RPS6KC1: variants seen among roughly 807,000 people sequenced by gnomAD.
RPS6KC1 encodes the protein ribosomal protein S6 kinase C1.
RPS6KC1 carries 54 observed loss-of-function variants against 103.8 expected under a neutral mutation model. The ratio of observed to expected loss-of-function variants is 0.52; its 90% CI spans 0.42 to 0.65. The LOEUF is 0.65. RPS6KC1 is among the 30% of genes least tolerant of loss of function. The probability of loss-of-function intolerance (pLI) is 0.00; values close to 1 mark genes in which losing one functional copy is unlikely to be tolerated. For missense variants in RPS6KC1, 1,151 were observed against 1,253.8 expected, an observed-to-expected ratio of 0.92 and a Z score of 1.24; for synonymous variants, 439 against 438.7, an observed-to-expected ratio of 1.00 and a Z score of -0.01.
At chr1:213,243,074 C>A (rs2148956663) in intron 12 of RPS6KC1, among the ~76,000 whole-genome samples, 1 of 152,196 alleles carries the variant, frequency 6.6e-6, no homozygotes, top group Middle Eastern at 3.4e-3. Context: ...TGTCTCACTG[C>A]AGCCTCCCAA....
chr1:213,429,907 T>G, the RPS6KC1 span, among the ~76,000 whole-genome samples: 2 of 152,242 alleles, frequency 1.3e-5, no homozygotes, highest in African/African-American at 4.8e-5. Context: ...CTTAATTTCT[T>G]TATTGCTTTT....
At chr1:213,204,620 C>CT (rs35617516) in intron 8 of RPS6KC1, among the ~76,000 whole-genome samples, 6,279 of 127,628 alleles carry the variant, frequency 0.049, 254 homozygotes, top group Admixed American at 0.073. Context: ...TTAATTGTCA[C>CT]TTTTTTTTTT....
chr1:213,087,475 A>T (rs1344640491), intron 3 of RPS6KC1, among the ~76,000 whole-genome samples: 2 of 152,114 alleles, frequency 1.3e-5, no homozygotes, highest in Admixed American at 1.3e-4. Context: ...CTTAGCTTCA[A>T]ATCTCTTTCT....
chr1:213,657,505 G>GT, the RPS6KC1 span, among the ~76,000 whole-genome samples: 1 of 152,136 alleles, frequency 6.6e-6, no homozygotes, highest in Non-Finnish European at 1.5e-5. Context: ...GGGGACAAAT[G>GT]TTAGAAGCAG....
the RPS6KC1 span, among the ~76,000 whole-genome samples, chr1:213,715,713 T>C: frequency 2.0e-5 from 3 of 152,204 alleles, no homozygotes; most frequent in South Asian, 6.2e-4. Context: ...AGTAATGCAA[T>C]TGGATCAGAT....
the RPS6KC1 span, among the ~76,000 whole-genome samples, chr1:213,790,857 ATCT>A: frequency 6.6e-6 from 1 of 152,196 alleles, no homozygotes; most frequent in Admixed American, 6.5e-5. Flanking sequence ...CCTGAGGAGT[ATCT>A]TCTATTTGGA....
intron 1 of RPS6KC1, among the ~76,000 whole-genome samples, chr1:213,056,592 A>C (rs762931799): frequency 3.9e-5 from 6 of 152,220 alleles, no homozygotes; most frequent in Admixed American, 2.0e-4. Flanking sequence ...TTAAGTCTGA[A>C]AAATTACCAT....
the RPS6KC1 span, among the ~76,000 whole-genome samples, chr1:213,502,113 T>C: frequency 2.0e-5 from 3 of 152,202 alleles, no homozygotes; most frequent in Non-Finnish European, 4.4e-5. Context: ...CTATCCCTTA[T>C]TTTAAAAAAT....
the RPS6KC1 span, among the ~76,000 whole-genome samples, chr1:213,557,938 T>A: frequency 1.3e-5 from 2 of 152,218 alleles, no homozygotes; most frequent in Admixed American, 1.3e-4. Context: ...TTTTGTGATA[T>A]GCTGCTCATG....
chr1:213,250,481 A>G (rs1432469544), intron 12 of RPS6KC1, among the ~76,000 whole-genome samples: 1 of 152,230 alleles, frequency 6.6e-6, no homozygotes, highest in Non-Finnish European at 1.5e-5. Context: ...ATAGTATAAA[A>G]TAAGAAAAAA....
At chr1:213,771,368 A>G in the RPS6KC1 span, among the ~76,000 whole-genome samples, 1 of 152,230 alleles carries the variant, frequency 6.6e-6, no homozygotes, top group Admixed American at 6.5e-5. Flanking sequence ...GAAACGGATG[A>G]CAGAACCGCT....
the RPS6KC1 span, chr1:213,820,451 C>T: frequency 6.6e-6 from 1 of 152,228 alleles, no homozygotes; most frequent in Admixed American, 6.5e-5. Flanking sequence ...TATACACACA[C>T]TTTGAATTTG....
rs369704036 is a variant in RPS6KC1, at chr1:213,129,713, G to A, written c.659G>A (p.Arg220Gln). 1.4e-5 allele frequency: 23 copies of A among 1,614,044 alleles called. No individual in the cohort carries two copies. The East Asian group carries it at 3.8e-4, about 27-fold the overall frequency. Residue 220 changes from arginine to glutamine, a missense_variant, in exon 6 of 15, where the codon CGG (arginine) becomes CAG (glutamine). Arg to Gln is a conservative substitution (Grantham distance 43). This residue lies in a region of RPS6KC1 where 959 missense variants were observed against 1,006.3 expected (regional missense o/e 0.95). Coordinates refer to ENST00000366960, the MANE Select transcript of RPS6KC1 (RefSeq NM_012424.6). ...DSEQSKTEEE[R>Q]ESRSLFPGSL... ...GAACAGAGCAAAACAGAAGAAGAAC[G>A]GGAAAGTCGTAGCCTCTTTCCTGGC...
chr1:213,684,112 C>G, the RPS6KC1 span, among the ~76,000 whole-genome samples: 2 of 152,274 alleles, frequency 1.3e-5, 1 homozygote. Context: ...CCTGTACACA[C>G]CCTACTTATT....
At chr1:213,114,194 A>G (rs2083328429) in intron 4 of RPS6KC1, among the ~76,000 whole-genome samples, 1 of 152,134 alleles carries the variant, frequency 6.6e-6, no homozygotes, top group Non-Finnish European at 1.5e-5. Flanking sequence ...ACCCATGAGC[A>G]TGGAATATTC....
the RPS6KC1 span, among the ~76,000 whole-genome samples, chr1:213,701,431 A>G: frequency 6.6e-6 from 1 of 151,982 alleles, no homozygotes; most frequent in Admixed American, 6.5e-5. Flanking sequence ...GGATCTTTCT[A>G]ATGTATTGTT....
At chr1:213,512,220 C>T in the RPS6KC1 span, among the ~76,000 whole-genome samples, 24 of 152,304 alleles carry the variant, frequency 1.6e-4, no homozygotes, top group Admixed American at 1.3e-4. Context: ...TTCCTTGTGT[C>T]TTTGGAAATA....
chr1:213,093,234 G>A (rs965797048), intron 3 of RPS6KC1, among the ~76,000 whole-genome samples: 4 of 149,856 alleles, frequency 2.7e-5, no homozygotes, highest in East Asian at 2.0e-4. Context: ...TTAATGAGGC[G>A]GAGTCTCGCT....
the RPS6KC1 span, among the ~76,000 whole-genome samples, chr1:213,410,808 C>T: frequency 3.8e-4 from 54 of 143,964 alleles, no homozygotes; most frequent in African/African-American, 1.3e-3. Flanking sequence ...TTGTCAGGGA[C>T]AGAAAGTGCC....
Sources: gnomAD v4.1 joint callset for allele counts (sites outside exome capture counted in the v4.1 genomes callset) on GRCh38, gnomAD v4.1.1 for gene constraint, gnomAD v4.1.1 regional missense constraint, MANE v1.5 for transcripts, NCBI Gene and HGNC (gene_info 2026-07-23, HGNC 2026-07-21) for gene names.